The following TCF4 variants were observed in gnomAD, a reference collection of about 807,000 sequenced individuals.
TCF4 encodes SL3-3 enhancer factor 2.
In TCF4, 3 loss-of-function variants were observed where a neutral mutation model predicts 82.1. The observed-to-expected ratio is 0.04, with a 90% CI of 0.02 to 0.09. The LOEUF is 0.09. TCF4 is among the 10% of genes least tolerant of loss of function. The pLI is 1.00. For missense variants in TCF4, 518 were observed against 852.7 expected, an observed-to-expected ratio of 0.61 and a Z score of 4.89; for synonymous variants, 276 against 309.6, an observed-to-expected ratio of 0.89 and a Z score of 1.14.
At chr18:55,522,452 A>G (rs1248241662) in intron 3 of TCF4, among the ~76,000 whole-genome samples, 1 of 152,210 alleles carries the variant, frequency 6.6e-6, no homozygotes, top group African/African-American at 2.4e-5. Context: ...GAGTCTAGAA[A>G]ACATCACATT....
At chr18:55,451,536 C>T (rs1202319633) in intron 5 of TCF4, among the ~76,000 whole-genome samples, 1 of 152,180 alleles carries the variant, frequency 6.6e-6, no homozygotes, top group African/African-American at 2.4e-5. Context: ...AAAACAGCTC[C>T]TTTGCTTCTT....
At chr18:55,243,743 C>T (rs1025912188) in intron 15 of TCF4, among the ~76,000 whole-genome samples, 2 of 151,952 alleles carry the variant, frequency 1.3e-5, no homozygotes, top group African/African-American at 4.8e-5. Flanking sequence ...TGTGAGGGTA[C>T]GTGTGAGGGG....
chr18:55,631,297 C>CCTTG lies in TCF4; in HGVS notation c.283_286dup (p.Gly96AlafsTer5). On this transcript the variant is annotated frameshift_variant and splice_region_variant. Coordinates refer to the TCF4 transcript ENST00000398339. LOFTEE classifies it high-confidence loss of function. ...CACCTGACCTCAGGTGATCCACCTA[C>CCTTG]CTTGGCCTCCCAAAGTGCTGGGATT... is the stretch of plus-strand genomic sequence containing the variant. The CCTTG allele has an allele frequency of 7.1e-7, 1 of 1,414,982 alleles. No individual in the cohort carries two copies. Among genetic ancestry groups the CCTTG allele is most frequent in the Non-Finnish European group, 9.7e-7 (1 of 1,026,608 alleles). 87.7% of individuals were successfully genotyped at this position (1,414,982 alleles called of 1,614,324 possible). A position where few individuals can be genotyped will look rare whatever the true frequency, so the allele number is the denominator to read the frequency against.
intron 8 of TCF4, among the ~76,000 whole-genome samples, chr18:55,298,579 G>A (rs1038584319): frequency 1.3e-5 from 2 of 152,176 alleles, no homozygotes; most frequent in African/African-American, 2.4e-5. Flanking sequence ...ATAGTGGCAT[G>A]AGCAGCAAAC....
At chr18:55,380,248 A>T (rs2145840274) in intron 6 of TCF4, among the ~76,000 whole-genome samples, 1 of 151,788 alleles carries the variant, frequency 6.6e-6, no homozygotes, top group African/African-American at 2.4e-5. Flanking sequence ...AAGGCTGGCT[A>T]GCTCTCTTCC....
intron 11 of TCF4, chr18:55,268,674 A>T (rs1378652749): frequency 6.6e-6 from 1 of 152,096 alleles, no homozygotes; most frequent in African/African-American, 2.4e-5. Flanking sequence ...ACATTTCAAA[A>T]CACATCTCTC....
intron 3 of TCF4, among the ~76,000 whole-genome samples, chr18:55,563,238 CAAA>C (rs74182105): frequency 1.0e-4 from 7 of 68,152 alleles, no homozygotes; most frequent in Non-Finnish European, 1.1e-4. Context: ...GACCCTGTCT[CAAA>C]AAAAAAAAAA....
At chr18:55,261,301 C>T (rs1290507767) in intron 12 of TCF4, 165 bp downstream of exon 12, 6 of 817,392 alleles carry the variant, frequency 7.3e-6, no homozygotes, top group South Asian at 7.0e-5. Context: ...CTGGAAGCTT[C>T]AGAGCCTTCT....
At chr18:55,444,237 G>A (rs762813222) in intron 5 of TCF4, among the ~76,000 whole-genome samples, 1 of 152,156 alleles carries the variant, frequency 6.6e-6, no homozygotes, top group Admixed American at 6.5e-5. Flanking sequence ...AATGATTTTA[G>A]TGGACCACAA....
chr18:55,407,560 T>G (rs142879570), intron 5 of TCF4, among the ~76,000 whole-genome samples: 2 of 149,756 alleles, frequency 1.3e-5, no homozygotes, highest in Non-Finnish European at 3.0e-5. Flanking sequence ...TTATTAAAAA[T>G]GGCACCAAAT....
intron 3 of TCF4, among the ~76,000 whole-genome samples, chr18:55,571,037 G>A (rs898569949): frequency 2.0e-5 from 3 of 152,054 alleles, no homozygotes; most frequent in African/African-American, 7.2e-5. Flanking sequence ...CTGCCATGCT[G>A]GACTTTCATG....
At chr18:55,527,451 G>T (rs527572058) in intron 3 of TCF4, among the ~76,000 whole-genome samples, 2 of 152,260 alleles carry the variant, frequency 1.3e-5, no homozygotes, top group Middle Eastern at 3.4e-3. Context: ...TAGGAAATAC[G>T]GAGGAAGCAG....
At chr18:55,512,681 T>G (rs776963076) in intron 3 of TCF4, among the ~76,000 whole-genome samples, 29 of 152,204 alleles carry the variant, frequency 1.9e-4, no homozygotes, top group Admixed American at 5.2e-4. Flanking sequence ...TATATATAGA[T>G]GAGCCAAGAA....
chr18:55,260,411 T>A (rs1322462597), intron 12 of TCF4, among the ~76,000 whole-genome samples: 2 of 152,200 alleles, frequency 1.3e-5, no homozygotes, highest in Non-Finnish European at 2.9e-5. Flanking sequence ...TTGCCAGATC[T>A]AGGCGTTTGA....
chr18:55,509,765 C>G (rs921770246), intron 3 of TCF4, among the ~76,000 whole-genome samples: 1 of 152,048 alleles, frequency 6.6e-6, no homozygotes, highest in Non-Finnish European at 1.5e-5. Context: ...GGAATTCCAT[C>G]AATCCAGACA....
intron 3 of TCF4, among the ~76,000 whole-genome samples, chr18:55,555,314 C>T (rs1177092451): frequency 6.6e-6 from 1 of 152,138 alleles, no homozygotes; most frequent in African/African-American, 2.4e-5. Flanking sequence ...CAGGGAAAGC[C>T]ATCAGTTTGA....
chr18:55,546,298 C>T (rs1033090274), intron 3 of TCF4, among the ~76,000 whole-genome samples: 2 of 152,010 alleles, frequency 1.3e-5, no homozygotes, highest in Non-Finnish European at 2.9e-5. Context: ...ATGATGATGC[C>T]TCTGCACTCC....
chr18:55,587,071 G>C lies in TCF4; in HGVS notation c.46C>G (p.Leu16Val). The C allele has an allele frequency of 6.2e-7, 1 of 1,613,670 alleles. No individual in the cohort carries two copies. The highest frequency in any genetic ancestry group is 8.5e-7 in the Non-Finnish European group (1 of 1,179,946). The change falls in exon 2 of 20, where the codon CTG becomes GTG. Residue 16 changes from leucine to valine, a missense_variant. By Grantham distance (32) the Leu-to-Val change is conservative. Transcript: ENST00000354452. ...GCACTGAAATCCAGTAAATCACTCA[G>C]CTCTTTGTCCGTCCCTAAGGCAGCC... ...RMAALGTDKELSDLLDFSAMF... is the reference protein window; with the variant it reads ...RMAALGTDKEVSDLLDFSAMF...
intron 3 of TCF4, among the ~76,000 whole-genome samples, chr18:55,490,018 C>T (rs2096559490): frequency 6.6e-6 from 1 of 152,146 alleles, no homozygotes. Flanking sequence ...TTTAATGACA[C>T]ATGAAGAATT....
Sources: allele counts gnomAD v4.1 joint callset (sites outside exome capture counted in the v4.1 genomes callset), GRCh38; gene constraint gnomAD v4.1.1; transcripts MANE v1.5; gene names NCBI Gene and HGNC (gene_info 2026-07-23, HGNC 2026-07-21).